Variants in SLC7A14 observed in about 807,000 individuals in gnomAD.
The protein encoded by SLC7A14 is solute carrier family 7 member 14.
In SLC7A14, 37 loss-of-function variants were observed where a neutral mutation model predicts 60.2. That is an observed-to-expected ratio of 0.61 (90% confidence interval 0.47 to 0.81). The LOEUF (loss-of-function observed/expected upper bound fraction) is 0.81. Among genes scored for constraint, SLC7A14 ranks in the 30% least tolerant of loss-of-function variants. The pLI, the probability that SLC7A14 is intolerant of heterozygous loss-of-function variation, is 0.00. For missense variants in SLC7A14, 886 were observed against 982.7 expected (o/e 0.90, Z 1.32); for synonymous variants, 399 against 395.8 (o/e 1.01, Z -0.10).
intron 1 of SLC7A14, among the ~76,000 whole-genome samples, chr3:170,558,909 G>C (rs1237066948): frequency 6.6e-5 from 10 of 152,124 alleles, no homozygotes; most frequent in Non-Finnish European, 1.5e-4. Flanking sequence ...ATAGTGCTTA[G>C]TCCTGGTATC....
intron 2 of SLC7A14, among the ~76,000 whole-genome samples, chr3:170,509,178 A>G (rs1042303317): frequency 6.6e-6 from 1 of 152,114 alleles, no homozygotes; most frequent in Non-Finnish European, 1.5e-5. Flanking sequence ...AATTTTTACA[A>G]AGGTGTCTGA....
At chr3:170,520,313 A>AAGTAG (rs1713304488) in intron 2 of SLC7A14, among the ~76,000 whole-genome samples, 1 of 152,232 alleles carries the variant, frequency 6.6e-6, no homozygotes, top group Non-Finnish European at 1.5e-5. Context: ...TTATGCACTT[A>AAGTAG]GAACTCTTTT....
chr3:170,508,333 C>G (rs1712850979), intron 2 of SLC7A14, among the ~76,000 whole-genome samples: 1 of 152,226 alleles, frequency 6.6e-6, no homozygotes, highest in Non-Finnish European at 1.5e-5. Context: ...CAGTTTCATG[C>G]AGGCCTCTGG....
chr3:170,496,659 G>A (rs1235133097), intron 4 of SLC7A14: 4 of 1,283,994 alleles, frequency 3.1e-6, no homozygotes, highest in Non-Finnish European at 3.4e-6. Context: ...TGCAGAACAC[G>A]AGTATCCATA....
chr3:170,585,019 C>A lies in SLC7A14; in HGVS notation c.-153+892G>T, dbSNP rs1715345054. On this transcript the variant is annotated intron_variant, in intron 1 of 7. Transcript: ENST00000231706. This position sits in a 1 kb window ranked among gnomAD's most constrained non-coding sequence, Gnocchi z 5.1. ...TCTCTTCTCGCCTTTGCTTTGCTCA[C>A]TCTTCAATCGCAATATAAAATACTC... Among the ~76,000 whole-genome samples the A allele has an allele frequency of 6.6e-6, 1 of 152,086 alleles. No homozygotes were observed. The highest frequency in any genetic ancestry group is 1.5e-5 in the Non-Finnish European group (1 of 67,994).
Position 170,491,293 on chromosome 3 carries a change from GTTAA to G in SLC7A14, c.760-4929_760-4926del, listed in dbSNP as rs1398714767. Among the ~76,000 whole-genome samples the G allele has an allele frequency of 2.0e-5, 3 of 152,198 alleles. No individual in the cohort carries two copies. The East Asian group carries it at 5.8e-4, about 29-fold the overall frequency. On this transcript the variant is annotated intron_variant, in intron 4 of 7. Coordinates refer to ENST00000231706, the MANE Select transcript of SLC7A14 (RefSeq NM_020949.3). Reference sequence around the variant, plus strand: ...ACTGATAATGATTAGCTATTAGAAAGTTAATTATGATCAAGTAGGGAAAAGAGGA... The same window carrying G: ...ACTGATAATGATTAGCTATTAGAAAGTTATGATCAAGTAGGGAAAAGAGGA...
chr3:170,551,366 G>A (rs1253645002), intron 1 of SLC7A14, among the ~76,000 whole-genome samples: 1 of 152,064 alleles, frequency 6.6e-6, no homozygotes, highest in African/African-American at 2.4e-5. Flanking sequence ...GTGAGCATTC[G>A]TGTACAGATT....
chr3:170,512,253 C>G (rs1484817722), intron 2 of SLC7A14, among the ~76,000 whole-genome samples: 1 of 152,206 alleles, frequency 6.6e-6, no homozygotes. Flanking sequence ...GTGGCCTCCC[C>G]AGCCCAGATG....
intron 2 of SLC7A14, among the ~76,000 whole-genome samples, chr3:170,505,359 C>T (rs760374996): frequency 8.5e-5 from 13 of 152,188 alleles, no homozygotes; most frequent in African/African-American, 3.1e-4. Flanking sequence ...GTTGCGTCTC[C>T]TAATGTACGC....
In SLC7A14 at chr3:170,501,272, A is replaced by T; in HGVS notation, c.378T>A (p.Thr126=). The part of the protein sequence containing the change: ...TGSAYTYSYV[T]VGEFVAFFIG... Reference sequence around the variant, plus strand: ...TGAAAAATGCCACAAATTCCCCAACAGTGACATAGCTGTAGGTGTAGGCAG... The same window carrying T: ...TGAAAAATGCCACAAATTCCCCAACTGTGACATAGCTGTAGGTGTAGGCAG... Residue 126 remains threonine, a synonymous_variant, in exon 3 of 8, where the codon ACT becomes ACA. Transcript: ENST00000231706. 6.2e-7 allele frequency: 1 copy of T among 1,614,222 alleles called. No individual in the cohort carries two copies. The highest frequency in any genetic ancestry group is 1.1e-5 in the South Asian group (1 of 91,082).
chr3:170,518,245 G>T (rs918134341), intron 2 of SLC7A14, among the ~76,000 whole-genome samples: 1 of 152,196 alleles, frequency 6.6e-6, no homozygotes, highest in African/African-American at 2.4e-5. Flanking sequence ...TAGACCCCTC[G>T]TGGTGTTCTG....
chr3:170,500,271 T>A (rs1203410757), intron 3 of SLC7A14, among the ~76,000 whole-genome samples: 3 of 151,812 alleles, frequency 2.0e-5, no homozygotes, highest in African/African-American at 7.3e-5. Context: ...TGAAACCCCA[T>A]CTCTACTGAA....
intron 5 of SLC7A14, among the ~76,000 whole-genome samples, chr3:170,484,229 G>T (rs1364511631): frequency 6.6e-6 from 1 of 152,210 alleles, no homozygotes; most frequent in Non-Finnish European, 1.5e-5. Context: ...TGCTATAAGG[G>T]TCCACCCCCA....
At chr3:170,489,303 T>G (rs1336692747) in intron 4 of SLC7A14, among the ~76,000 whole-genome samples, 1 of 152,062 alleles carries the variant, frequency 6.6e-6, no homozygotes, top group Admixed American at 6.6e-5. Flanking sequence ...GGCAAAAGAT[T>G]TGAATAGACA....
chr3:170,480,611 G>T lies in SLC7A14; in HGVS notation c.1671C>A (p.Pro557=). Residue 557 remains proline (P), a synonymous_variant, in exon 7 of 8, where the codon CCC becomes CCA. Transcript: ENST00000231706. ...RLGLPGKMDR[P]TAATGHTVTI... is the part of the protein sequence containing the mutation. ...TCACCGTGTGCCCCGTCGCTGCTGT[G>T]GGCCGGTCCATTTTGCCTGGAAGGC... 18 of 1,614,238 alleles carry T rather than the reference G, an allele frequency of 1.1e-5. No individual in the cohort carries two copies. Among genetic ancestry groups the T allele is most frequent in the Non-Finnish European group, 1.5e-5 (18 of 1,180,048 alleles).
intron 2 of SLC7A14, among the ~76,000 whole-genome samples, chr3:170,511,817 C>T (rs1014170337): frequency 6.6e-6 from 1 of 152,172 alleles, no homozygotes; most frequent in East Asian, 1.9e-4. Context: ...TAAAACAGAA[C>T]CTGGAGAAGT....
At chr3:170,573,599 T>C (rs1444727025) in intron 1 of SLC7A14, among the ~76,000 whole-genome samples, 1 of 152,172 alleles carries the variant, frequency 6.6e-6, no homozygotes, top group Non-Finnish European at 1.5e-5. Context: ...CCTAGAATAA[T>C]ACCCTAAGGA....
chr3:170,479,727 T>G (rs958865286), intron 7 of SLC7A14, among the ~76,000 whole-genome samples: 22 of 152,196 alleles, frequency 1.4e-4, no homozygotes, highest in African/African-American at 5.3e-4. Flanking sequence ...GAAAAACTTT[T>G]GAATATTTTA....
chr3:170,551,366 G>T (rs1253645002), intron 1 of SLC7A14, among the ~76,000 whole-genome samples: 1 of 152,064 alleles, frequency 6.6e-6, no homozygotes, highest in African/African-American at 2.4e-5. Context: ...GTGAGCATTC[G>T]TGTACAGATT....
Sources: gnomAD v4.1 joint callset for allele counts (sites outside exome capture counted in the v4.1 genomes callset) on GRCh38, gnomAD v4.1.1 for gene constraint, Gnocchi (gnomAD v3.1) non-coding constraint, MANE v1.5 for transcripts, NCBI Gene and HGNC (gene_info 2026-07-23, HGNC 2026-07-21) for gene names.